SLC4A10: variants seen among roughly 807,000 people sequenced by gnomAD.
SLC4A10 encodes solute carrier family 4 member 10, also known as sodium-driven chloride bicarbonate exchanger.
In SLC4A10, 42 loss-of-function variants were observed where a neutral mutation model predicts 137.7. That is an observed-to-expected ratio of 0.30 (90% CI 0.24 to 0.39). SLC4A10 has a LOEUF of 0.39. SLC4A10 is among the 10% of genes least tolerant of loss of function. The pLI, the probability that SLC4A10 is intolerant of heterozygous loss-of-function variation, is 1.00. For missense variants in SLC4A10, 925 were observed against 1,355.0 expected (o/e 0.68, Z 4.98); for synonymous variants, 474 against 464.1 (o/e 1.02, Z -0.27).
At chr2:161,886,072 C>T (rs189642035) in intron 10 of SLC4A10, among the ~76,000 whole-genome samples, 44 of 152,216 alleles carry the variant, frequency 2.9e-4, no homozygotes, top group African/African-American at 1.1e-3. Context: ...GCACTCCAGC[C>T]TGGGCAATAG....
intron 15 of SLC4A10, among the ~76,000 whole-genome samples, chr2:161,934,190 T>G (rs896621944): frequency 6.6e-6 from 1 of 152,148 alleles, no homozygotes; most frequent in African/African-American, 2.4e-5. Context: ...TTAAATTATT[T>G]TAAAATGTTC....
chr2:161,737,657 G>A (rs972325144), intron 1 of SLC4A10, among the ~76,000 whole-genome samples: 2 of 152,038 alleles, frequency 1.3e-5, no homozygotes, highest in Admixed American at 1.3e-4. Context: ...TGTTCATTTG[G>A]AATGTTCTAC....
chr2:161,658,808 C>A lies in SLC4A10; in HGVS notation c.48+34242C>A, dbSNP rs1171720049. Among the ~76,000 whole-genome samples the A allele has an allele frequency of 2.6e-5, 4 of 152,108 alleles. No individual in the cohort carries two copies. The South Asian group carries it at 8.3e-4, about 32-fold the overall frequency. On this transcript the variant is annotated intron_variant, in intron 1 of 26. Coordinates refer to ENST00000446997, the MANE Select transcript of SLC4A10 (RefSeq NM_001178015.2). Reference sequence around the variant, plus strand: ...GTTTCACCTTTTTGGCCAGGCTGGTCTCAAACTCCTGACCTCAAGTGATCT... The same window carrying A: ...GTTTCACCTTTTTGGCCAGGCTGGTATCAAACTCCTGACCTCAAGTGATCT...
chr2:161,753,587 G>T (rs898523235), intron 1 of SLC4A10, among the ~76,000 whole-genome samples: 3 of 152,050 alleles, frequency 2.0e-5, no homozygotes, highest in Non-Finnish European at 4.4e-5. Context: ...TAGTGAGATG[G>T]AATTTGAAAA....
intron 1 of SLC4A10, among the ~76,000 whole-genome samples, chr2:161,742,395 C>CATA (rs753349031): frequency 1.1e-4 from 17 of 150,562 alleles, no homozygotes; most frequent in Non-Finnish European, 2.2e-4. Context: ...GGGAAACCTG[C>CATA]ATACGGTTCT....
At chr2:161,799,271 C>A (rs2055122739) in intron 2 of SLC4A10, among the ~76,000 whole-genome samples, 1 of 151,650 alleles carries the variant, frequency 6.6e-6, no homozygotes, top group East Asian at 1.9e-4. Context: ...AAAAGTAAAT[C>A]AGATTAGGAT....
chr2:161,720,731 G>T (rs2045559558), intron 1 of SLC4A10, among the ~76,000 whole-genome samples: 1 of 151,570 alleles, frequency 6.6e-6, no homozygotes, highest in Non-Finnish European at 1.5e-5. Context: ...CATTTGCTTG[G>T]TAAATTTTCC....
intron 1 of SLC4A10, among the ~76,000 whole-genome samples, chr2:161,748,025 G>A (rs2048558493): frequency 6.6e-6 from 1 of 152,046 alleles, no homozygotes; most frequent in Non-Finnish European, 1.5e-5. Flanking sequence ...CTGATGATGA[G>A]CACCTTTTCA....
intron 1 of SLC4A10, among the ~76,000 whole-genome samples, chr2:161,728,516 A>C (rs2046470174): frequency 6.6e-6 from 1 of 152,136 alleles, no homozygotes; most frequent in Non-Finnish European, 1.5e-5. Flanking sequence ...TGGAGGTTGC[A>C]GTGAGCTGAA....
At chr2:161,651,255 T>C (rs930798172) in intron 1 of SLC4A10, 1 of 152,236 alleles carries the variant, frequency 6.6e-6, no homozygotes, top group Non-Finnish European at 1.5e-5. Context: ...TGCTGAGAGC[T>C]GGACACTCAT....
chr2:161,776,671 C>A (rs1574912152), intron 2 of SLC4A10, among the ~76,000 whole-genome samples: 1 of 151,986 alleles, frequency 6.6e-6, no homozygotes, highest in East Asian at 1.9e-4. Flanking sequence ...GCAAATATCT[C>A]TTTGAGATCT....
At chr2:161,889,339 A>G (rs2062666920) in intron 10 of SLC4A10, among the ~76,000 whole-genome samples, 1 of 152,046 alleles carries the variant, frequency 6.6e-6, no homozygotes, top group South Asian at 2.1e-4. Context: ...GTTGTTTGGT[A>G]TAGTTTCAGA....
intron 15 of SLC4A10, chr2:161,931,608 T>A (rs1690410188): frequency 6.6e-6 from 1 of 152,174 alleles, no homozygotes; most frequent in African/African-American, 2.4e-5. Flanking sequence ...TGCATCAGAG[T>A]AAAAGCATAA....
chr2:161,658,640 C>A (rs944224474), intron 1 of SLC4A10, among the ~76,000 whole-genome samples: 9 of 134,800 alleles, frequency 6.7e-5, no homozygotes, highest in African/African-American at 2.5e-4. Context: ...GTTGCCCAGG[C>A]TGGAGTGCAG....
At chr2:161,643,864 T>C (rs1170603943) in intron 1 of SLC4A10, among the ~76,000 whole-genome samples, 1 of 152,114 alleles carries the variant, frequency 6.6e-6, no homozygotes, top group Non-Finnish European at 1.5e-5. Context: ...TAGCAATCTA[T>C]TAGGTTCAAA....
intron 1 of SLC4A10, among the ~76,000 whole-genome samples, chr2:161,762,984 G>A (rs2125370395): frequency 6.6e-6 from 1 of 152,174 alleles, no homozygotes; most frequent in Non-Finnish European, 1.5e-5. Context: ...TAGATTGAGA[G>A]AGACCATACA....
At chr2:161,678,458 T>C (rs1349624094) in intron 1 of SLC4A10, among the ~76,000 whole-genome samples, 1 of 152,168 alleles carries the variant, frequency 6.6e-6, no homozygotes, top group African/African-American at 2.4e-5. Context: ...ACGACACGGA[T>C]ATTTTAAAAA....
At chr2:161,937,742 T>C (rs76287305) in intron 15 of SLC4A10, among the ~76,000 whole-genome samples, 8,189 of 152,266 alleles carry the variant, frequency 0.054, 349 homozygotes, top group African/African-American at 0.12. Context: ...TTAAGCATTG[T>C]GCAGAATGCC....
In SLC4A10 at chr2:161,773,082, G is replaced by A. The variant is rs149375848; in HGVS notation, c.130+2028G>A. Among the ~76,000 whole-genome samples the A allele has an allele frequency of 6.2e-3, 937 of 151,940 alleles. 11 individuals carry two copies. Among genetic ancestry groups the A allele is most frequent in the African/African-American group, 0.022 (892 of 41,488 alleles). ...TACTATAACAGAATACCACAGACTG[G>A]ATAATTTATAAAGAAAAGAAATTGA... On this transcript the variant is annotated intron_variant, in intron 2 of 26. Transcript: ENST00000446997.
Sources: allele counts gnomAD v4.1 joint callset (sites outside exome capture counted in the v4.1 genomes callset), GRCh38; gene constraint gnomAD v4.1.1; transcripts MANE v1.5; gene names NCBI Gene and HGNC (gene_info 2026-07-23, HGNC 2026-07-21).